Variants in CMTM8 observed in about 807,000 individuals in gnomAD.
CMTM8 encodes CKLF-like MARVEL transmembrane domain-containing protein 8.
A neutral mutation model predicts 18.6 loss-of-function variants in CMTM8; 12 were observed. The ratio of observed to expected loss-of-function variants is 0.65; its 90% CI spans 0.41 to 1.05. CMTM8 has a LOEUF of 1.05. CMTM8 is among the 50% of genes least tolerant of loss of function. The pLI is 0.00. For missense variants in CMTM8, 217 were observed against 227.2 expected (o/e 0.95, Z 0.29); for synonymous variants, 87 against 90.6 (o/e 0.96, Z 0.23).
intron 1 of CMTM8, among the ~76,000 whole-genome samples, chr3:32,275,946 T>A (rs1702510476): frequency 6.6e-6 from 1 of 152,002 alleles, no homozygotes; most frequent in African/African-American, 2.4e-5. Flanking sequence ...ACCACTCGTA[T>A]GTACTTCAGT....
rs1696840407 is a variant in CMTM8, at chr3:32,357,495, C to T, written c.270C>T (p.Ile90=). 1.2e-6 allele frequency: 2 copies of T among 1,613,910 alleles called. No individual in the cohort carries two copies. Among genetic ancestry groups the T allele is most frequent in the African/African-American group, 2.7e-5 (2 of 74,864 alleles). ...YWVLTVFFLI[I]YITMTYTRIP... is the part of the protein sequence containing the mutation. ...TCCTCACCGTCTTCTTCCTCATTAT[C>T]TACATAACAATGACCTACACCAGGA... is the stretch of plus-strand genomic sequence containing the variant. The change falls in exon 2 of 4, where the codon ATC becomes ATT. Residue 90 remains isoleucine, a synonymous_variant. Coordinates refer to ENST00000307526, the MANE Select transcript of CMTM8 (RefSeq NM_178868.5).
At chr3:32,331,105 C>T (rs755943593) in intron 1 of CMTM8, among the ~76,000 whole-genome samples, 21 of 152,098 alleles carry the variant, frequency 1.4e-4, no homozygotes, top group Admixed American at 4.6e-4. Flanking sequence ...TAAAGAACTC[C>T]TACAACTCAA....
At chr3:32,242,821 T>C (rs1701960611) in intron 1 of CMTM8, among the ~76,000 whole-genome samples, 1 of 151,938 alleles carries the variant, frequency 6.6e-6, no homozygotes, top group Non-Finnish European at 1.5e-5. Flanking sequence ...AGGAGACTCC[T>C]CCCCATTTTT....
chr3:32,292,295 G>T (rs1185873540), intron 1 of CMTM8, among the ~76,000 whole-genome samples: 1 of 152,110 alleles, frequency 6.6e-6, no homozygotes, highest in Non-Finnish European at 1.5e-5. Flanking sequence ...ATTTCAAAGG[G>T]ACCTTGAGCT....
At chr3:32,272,115 T>C (rs1406267399) in intron 1 of CMTM8, among the ~76,000 whole-genome samples, 1 of 152,232 alleles carries the variant, frequency 6.6e-6, no homozygotes, top group Non-Finnish European at 1.5e-5. Context: ...TTGGCAGTTA[T>C]TTTTGTCTCA....
rs1701903675 is a variant in CMTM8, at chr3:32,238,800, G to GTGTCC, written c.-173_-172insTGTCC. On this transcript the variant is annotated 5_prime_UTR_variant, in exon 1 of 4. Transcript: ENST00000307526. ...GGCGCTAGGGGCACCGCGCACTAGA[G>GTGTCC]GGACACCCGCCGCGCCTGGACAGCC... 2 of 381,282 alleles carry GTGTCC rather than the reference G, an allele frequency of 5.2e-6. No homozygotes were observed. 23.6% of individuals were successfully genotyped at this position (381,282 alleles called of 1,614,324 possible).
chr3:32,364,694 A>G (rs907301835), intron 2 of CMTM8, among the ~76,000 whole-genome samples: 2 of 152,194 alleles, frequency 1.3e-5, no homozygotes, highest in Non-Finnish European at 2.9e-5. Flanking sequence ...GAACCTAGGT[A>G]GCTATGTCTT....
chr3:32,269,802 G>A (rs1374896473), intron 1 of CMTM8, among the ~76,000 whole-genome samples: 2 of 152,106 alleles, frequency 1.3e-5, no homozygotes, highest in African/African-American at 2.4e-5. Context: ...TTAAGAGATG[G>A]GATCTTGCTG....
Position 32,319,074 on chromosome 3 carries a change from A to ATATATTTTTT in CMTM8, c.148-38298_148-38297insATATTTTTTT. On this transcript the variant is annotated intron_variant, in intron 1 of 3. Coordinates refer to ENST00000307526, the MANE Select transcript of CMTM8 (RefSeq NM_178868.5). Reference sequence around the variant, plus strand: ...TGTATATACATATATATATATATATATTTTTTTTTTTTTTTTTTTTTGAGA... The same window carrying ATATATTTTTT: ...TGTATATACATATATATATATATATATATATTTTTTTTTTTTTTTTTTTTTTTTTTTGAGA... Among the ~76,000 whole-genome samples the ATATATTTTTT allele has an allele frequency of 5.7e-4, 18 of 31,532 alleles. 1 individual carries two copies. The highest frequency in any genetic ancestry group is 7.6e-4 in the African/African-American group (5 of 6,550). The allele number at this position is 31,532 out of a possible 152,430, so 20.7% of individuals were successfully genotyped here. A position where few individuals can be genotyped will look rare whatever the true frequency, so the allele number is the denominator to read the frequency against.
At chr3:32,297,439 C>T (rs946136546) in intron 1 of CMTM8, among the ~76,000 whole-genome samples, 3 of 152,196 alleles carry the variant, frequency 2.0e-5, no homozygotes, top group South Asian at 2.1e-4. Context: ...CTATGCCTCC[C>T]GAAGTGTTGG....
chr3:32,314,679 G>A (rs928100896), intron 1 of CMTM8, among the ~76,000 whole-genome samples: 1 of 151,958 alleles, frequency 6.6e-6, no homozygotes, highest in South Asian at 2.1e-4. Context: ...GGGTTTTACT[G>A]TGTGGGCCAG....
intron 1 of CMTM8, among the ~76,000 whole-genome samples, chr3:32,250,692 A>G (rs1702100561): frequency 6.6e-6 from 1 of 151,198 alleles, no homozygotes; most frequent in African/African-American, 2.4e-5. Context: ...TCATGTTTGG[A>G]TTGTTCAGTG....
chr3:32,259,413 T>C, intron 1 of CMTM8: 1 of 873,636 alleles, frequency 1.1e-6, no homozygotes, highest in Non-Finnish European at 2.0e-6. Flanking sequence ...AATGCCTGTC[T>C]TGCTGCTGAT....
intron 2 of CMTM8, among the ~76,000 whole-genome samples, chr3:32,361,062 A>C (rs1696914383): frequency 6.6e-6 from 1 of 152,122 alleles, no homozygotes; most frequent in African/African-American, 2.4e-5. Flanking sequence ...GCTCACTGCA[A>C]CTTCCACCTC....
intron 1 of CMTM8, among the ~76,000 whole-genome samples, chr3:32,248,032 A>G (rs1385689898): frequency 6.6e-6 from 1 of 152,192 alleles, no homozygotes; most frequent in Non-Finnish European, 1.5e-5. Flanking sequence ...TCCCTGTTGT[A>G]GTATGTATCA....
At chr3:32,326,547 C>A (rs570857573) in intron 1 of CMTM8, among the ~76,000 whole-genome samples, 1 of 140,826 alleles carries the variant, frequency 7.1e-6, no homozygotes, top group East Asian at 2.1e-4. Context: ...GACAGAGTCT[C>A]GCTCTGTCGC....
chr3:32,278,826 A>G (rs965918890), intron 1 of CMTM8, among the ~76,000 whole-genome samples: 2 of 152,212 alleles, frequency 1.3e-5, no homozygotes, highest in African/African-American at 4.8e-5. Flanking sequence ...ATTCAGTGAA[A>G]GACACTTCCT....
At chr3:32,275,229 G>T (rs1016797156) in intron 1 of CMTM8, among the ~76,000 whole-genome samples, 9 of 151,612 alleles carry the variant, frequency 5.9e-5, no homozygotes, top group African/African-American at 2.2e-4. Context: ...TACTCAGGCT[G>T]GTCTCGAACT....
rs747744250 is a variant in CMTM8, at chr3:32,357,478, G to A, written c.253G>A (p.Val85Ile). The A allele has an allele frequency of 4.4e-5, 71 of 1,613,974 alleles. No individual in the cohort carries two copies. The highest frequency in any genetic ancestry group is 3.3e-4 in the Middle Eastern group (2 of 6,082). The change falls in exon 2 of 4, where the codon GTC (valine) becomes ATC (isoleucine). Residue 85 changes from valine to isoleucine, a missense_variant. Val to Ile is a conservative substitution (Grantham distance 29). Transcript: ENST00000307526. ...AGCTGTATTTTACTGGGTCCTCACCGTCTTCTTCCTCATTATCTACATAAC... is the reference window on the plus strand; with the variant it reads ...AGCTGTATTTTACTGGGTCCTCACCATCTTCTTCCTCATTATCTACATAAC... ...FVAVFYWVLT[V>I]FFLIIYITMT...
Sources: gnomAD v4.1 joint callset for allele counts (sites outside exome capture counted in the v4.1 genomes callset) on GRCh38, gnomAD v4.1.1 for gene constraint, MANE v1.5 for transcripts, NCBI Gene and HGNC (gene_info 2026-07-23, HGNC 2026-07-21) for gene names.